CDH8: variants seen among roughly 807,000 people sequenced by gnomAD.
CDH8 encodes the protein cadherin-8.
In CDH8, 17 loss-of-function variants were observed where a neutral mutation model predicts 68.1. The ratio of observed to expected loss-of-function variants is 0.25; its 90% CI spans 0.17 to 0.37. CDH8 has a LOEUF of 0.37. CDH8 is among the 10% of genes least tolerant of loss of function. The pLI is 1.00. For missense variants in CDH8, 763 were observed against 999.3 expected (o/e 0.76, Z 3.19); for synonymous variants, 372 against 365.1 (o/e 1.02, Z -0.21).
At chr16:61,858,284 A>G (rs79011054) in intron 3 of CDH8, among the ~76,000 whole-genome samples, 1,563 of 152,274 alleles carry the variant, frequency 0.01, 22 homozygotes, top group African/African-American at 0.034. Flanking sequence ...GAGTTAAATC[A>G]TCAAAGAAAG....
chr16:61,845,301 C>T (rs1328355916), intron 4 of CDH8, among the ~76,000 whole-genome samples: 7 of 151,886 alleles, frequency 4.6e-5, no homozygotes, highest in African/African-American at 7.3e-5. Context: ...TGTCCATAAA[C>T]GGCACAATTA....
At chr16:61,891,430 G>C (rs889941030) in intron 3 of CDH8, among the ~76,000 whole-genome samples, 1 of 152,036 alleles carries the variant, frequency 6.6e-6, no homozygotes, top group African/African-American at 2.4e-5. Context: ...ATGCATTTTA[G>C]GCACCCCTAA....
intron 2 of CDH8, among the ~76,000 whole-genome samples, chr16:61,982,853 CT>C (rs1353845360): frequency 8.5e-5 from 13 of 152,286 alleles, no homozygotes; most frequent in African/African-American, 2.9e-4. Flanking sequence ...TATCCTTTAG[CT>C]TATGAGTGAG....
intron 2 of CDH8, among the ~76,000 whole-genome samples, chr16:62,019,150 T>C (rs543805918): frequency 6.6e-6 from 1 of 152,238 alleles, no homozygotes; most frequent in Non-Finnish European, 1.5e-5. Context: ...GAATTTCATA[T>C]GGTATAAGAA....
At chr16:61,820,568 G>A (rs1478444766) in intron 6 of CDH8, among the ~76,000 whole-genome samples, 2 of 151,802 alleles carry the variant, frequency 1.3e-5, no homozygotes, top group Non-Finnish European at 2.9e-5. Context: ...AATAGTAACT[G>A]TCCACCAATT....
chr16:61,823,484 A>C (rs1051763690), intron 5 of CDH8, among the ~76,000 whole-genome samples: 1 of 151,910 alleles, frequency 6.6e-6, no homozygotes, highest in African/African-American at 2.4e-5. Context: ...TATGCATCAC[A>C]CTCATACACT....
At position 61,650,217 on chromosome 16, in the gene CDH8, T is replaced by C. The variant is rs796986428; in HGVS notation, c.*3391A>G. ...TGTTAAGAAATGCCCCCCTTAATAC[T>C]CTTTAATATTCATATATGGATGTTT... On this transcript the variant is annotated 3_prime_UTR_variant, in exon 12 of 12. Coordinates refer to ENST00000577390, the MANE Select transcript of CDH8 (RefSeq NM_001796.5). 4.6e-5 allele frequency: 7 copies of C among 152,202 alleles called. No homozygotes were observed. The highest frequency in any genetic ancestry group is 3.9e-4 in the East Asian group (2 of 5,148). The allele number at this position is 152,202 out of a possible 1,614,324, so 9.4% of individuals were successfully genotyped here. A position where few individuals can be genotyped will look rare whatever the true frequency, so the allele number is the denominator to read the frequency against.
chr16:61,702,461 G>C (rs1567431086), intron 10 of CDH8, among the ~76,000 whole-genome samples: 1 of 152,128 alleles, frequency 6.6e-6, no homozygotes, highest in East Asian at 1.9e-4. Context: ...GACTTGCAAA[G>C]ACTTGTGAAG....
intron 3 of CDH8, among the ~76,000 whole-genome samples, chr16:61,859,580 A>C (rs1340842964): frequency 6.6e-6 from 1 of 152,156 alleles, no homozygotes; most frequent in Non-Finnish European, 1.5e-5. Flanking sequence ...AGATTAGGAG[A>C]CCAGACTTGT....
rs1962396865 is a variant in CDH8 at position 61,828,854 on chromosome 16, A to AT, written c.668-3676_668-3675insA. On this transcript the variant is annotated intron_variant, in intron 4 of 11. Transcript: ENST00000577390. ...AATCAGAGATAATAACCAGCTTCTCACTGTGGACATTCCAAGATGATGTGA... is the reference window on the plus strand; with the variant it reads ...AATCAGAGATAATAACCAGCTTCTCATCTGTGGACATTCCAAGATGATGTGA... 4.6e-5 allele frequency among the ~76,000 whole-genome samples: 7 copies of AT among 151,996 alleles called. No individual in the cohort carries two copies. The South Asian group carries it at 1.4e-3, about 31-fold the overall frequency.
chr16:62,030,960 A>C (rs1902311248), intron 1 of CDH8, among the ~76,000 whole-genome samples: 1 of 152,148 alleles, frequency 6.6e-6, no homozygotes, highest in African/African-American at 2.4e-5. Flanking sequence ...CAATTCAAAT[A>C]CAAAAATATA....
Position 61,652,772 on chromosome 16 carries a change from A to G in CDH8, c.*836T>C, listed in dbSNP as rs1362514815. On this transcript the variant is annotated 3_prime_UTR_variant, in exon 12 of 12. Coordinates refer to ENST00000577390, the MANE Select transcript of CDH8 (RefSeq NM_001796.5). ...CATCAATAAAATATTTATTTCGAGG[A>G]TTAAACAAATAAATTCACGCGCTAG... is the stretch of plus-strand genomic sequence containing the variant. 14 of 1,333,748 alleles carry G rather than the reference A, an allele frequency of 1.0e-5. No individual in the cohort carries two copies. Among genetic ancestry groups the G allele is most frequent in the Non-Finnish European group, 9.6e-6 (10 of 1,041,022 alleles). 82.6% of individuals were successfully genotyped at this position (1,333,748 alleles called of 1,614,324 possible). A position where few individuals can be genotyped will look rare whatever the true frequency, so the allele number is the denominator to read the frequency against.
chr16:61,822,609 C>T (rs944962863), intron 5 of CDH8, among the ~76,000 whole-genome samples: 3 of 151,766 alleles, frequency 2.0e-5, no homozygotes, highest in Non-Finnish European at 4.4e-5. Flanking sequence ...CTTAGAATCA[C>T]GAAGTTATAG....
At chr16:61,715,501 T>C (rs917702037) in intron 9 of CDH8, among the ~76,000 whole-genome samples, 16 of 151,648 alleles carry the variant, frequency 1.1e-4, no homozygotes, top group Non-Finnish European at 1.6e-4. Flanking sequence ...ATAAATCTTT[T>C]GACAGTTTCT....
Sources: allele counts gnomAD v4.1 joint callset (sites outside exome capture counted in the v4.1 genomes callset), GRCh38; gene constraint gnomAD v4.1.1; transcripts MANE v1.5; gene names NCBI Gene and HGNC (gene_info 2026-07-23, HGNC 2026-07-21).